MCC: variants seen among roughly 807,000 people sequenced by gnomAD.
MCC encodes MCC regulator of Wnt signaling pathway, also known as colorectal mutant cancer protein.
MCC carries 90 observed loss-of-function variants against 116.2 expected under a neutral mutation model. The observed-to-expected ratio is 0.77, with a 90% CI of 0.65 to 0.92. The LOEUF (loss-of-function observed/expected upper bound fraction) is 0.92. MCC is among the 40% of genes least tolerant of loss of function. MCC has a pLI of 0.00. For synonymous variants in MCC, 578 were observed against 510.5 expected (o/e 1.13, Z -1.78); for missense variants, 1,516 against 1,312.2 (o/e 1.16, Z -2.40).
At chr5:113,290,667 G>C (rs184920950) in intron 3 of MCC, among the ~76,000 whole-genome samples, 3 of 152,256 alleles carry the variant, frequency 2.0e-5, no homozygotes, top group Non-Finnish European at 1.5e-5. Flanking sequence ...AAGACCAATA[G>C]AGCTAACTGC....
At chr5:113,430,324 G>C (rs1348221884) in intron 1 of MCC, among the ~76,000 whole-genome samples, 1 of 152,168 alleles carries the variant, frequency 6.6e-6, no homozygotes, top group East Asian at 1.9e-4. Flanking sequence ...GTTCCTAGTA[G>C]GGCAGAGCAC....
chr5:113,178,093 A>G (rs1358031060), intron 3 of MCC, among the ~76,000 whole-genome samples: 2 of 152,218 alleles, frequency 1.3e-5, no homozygotes, highest in Non-Finnish European at 2.9e-5. Context: ...ATCAGAACAC[A>G]TGCAGGAAAG....
intron 2 of MCC, among the ~76,000 whole-genome samples, chr5:113,366,660 A>G (rs536946711): frequency 6.6e-6 from 1 of 152,280 alleles, no homozygotes; most frequent in Non-Finnish European, 1.5e-5. Context: ...GGTTCAGACA[A>G]TAAGTAAGAG....
intron 1 of MCC, among the ~76,000 whole-genome samples, chr5:113,408,158 T>G (rs976737305): frequency 6.6e-6 from 1 of 152,300 alleles, no homozygotes; most frequent in South Asian, 2.1e-4. Flanking sequence ...TCATCTCACT[T>G]CAAACACTTT....
intron 2 of MCC, among the ~76,000 whole-genome samples, chr5:113,359,842 T>TG (rs1356619325): frequency 6.6e-6 from 1 of 152,132 alleles, no homozygotes; most frequent in African/African-American, 2.4e-5. Context: ...TGAAGCGGGC[T>TG]GGGGAGTAGG....
intron 6 of MCC, among the ~76,000 whole-genome samples, chr5:113,113,877 G>C (rs1221692108): frequency 1.3e-5 from 2 of 152,032 alleles, no homozygotes. Context: ...GACTGGATCT[G>C]GGACTAAACA....
At chr5:113,477,484 C>T in intron 1 of MCC, among the ~76,000 whole-genome samples, 1 of 152,254 alleles carries the variant, frequency 6.6e-6, no homozygotes, top group Non-Finnish European at 1.5e-5. Flanking sequence ...CATAAGAATA[C>T]AATCCATGAG....
At chr5:113,111,906 T>C (rs1251413423) in intron 6 of MCC, among the ~76,000 whole-genome samples, 2 of 152,220 alleles carry the variant, frequency 1.3e-5, no homozygotes, top group Admixed American at 1.3e-4. Context: ...CAGGATCAGC[T>C]ATGCCTATGC....
At chr5:113,058,396 G>T (rs187126972) in intron 14 of MCC, among the ~76,000 whole-genome samples, 22 of 152,238 alleles carry the variant, frequency 1.4e-4, no homozygotes, top group Admixed American at 1.4e-3. Flanking sequence ...TGCACATTCC[G>T]GGGCCTGCTG....
chr5:113,377,810 T>A (rs549229145), intron 2 of MCC, among the ~76,000 whole-genome samples: 1 of 152,330 alleles, frequency 6.6e-6, no homozygotes, highest in Admixed American at 6.5e-5. Context: ...ACCCATTACT[T>A]AAAGACTTTA....
intron 3 of MCC, among the ~76,000 whole-genome samples, chr5:113,303,147 C>G (rs2150365326): frequency 6.6e-6 from 1 of 152,234 alleles, no homozygotes; most frequent in South Asian, 2.1e-4. Context: ...TATTTGACAT[C>G]TAAGGGGATG....
chr5:113,058,740 G>T (rs912118482), intron 14 of MCC, among the ~76,000 whole-genome samples: 1 of 152,208 alleles, frequency 6.6e-6, no homozygotes, highest in African/African-American at 2.4e-5. Context: ...CAGGAAATAG[G>T]AATACTAAGG....
At chr5:113,103,345 C>T (rs1313854037) in intron 7 of MCC, among the ~76,000 whole-genome samples, 2 of 152,152 alleles carry the variant, frequency 1.3e-5, no homozygotes, top group African/African-American at 4.8e-5. Flanking sequence ...GGTAGAGGCC[C>T]TTGGCCTCCT....
At chr5:113,168,735 A>T (rs575472058) in intron 3 of MCC, among the ~76,000 whole-genome samples, 1 of 152,068 alleles carries the variant, frequency 6.6e-6, no homozygotes, top group African/African-American at 2.4e-5. Context: ...AAGCCCTCCT[A>T]GTGGGTGGTG....
intron 2 of MCC, among the ~76,000 whole-genome samples, chr5:113,384,261 C>T (rs1351022644): frequency 6.6e-6 from 1 of 152,152 alleles, no homozygotes. Flanking sequence ...GAAAAACCAT[C>T]TTTATAGAAA....
chr5:113,202,704 A>C (rs1762735900), intron 3 of MCC, among the ~76,000 whole-genome samples: 1 of 151,204 alleles, frequency 6.6e-6, no homozygotes, highest in African/African-American at 2.4e-5. Flanking sequence ...AGACTTTATG[A>C]CTTCTGTTCC....
At chr5:113,184,304 C>T (rs1291157307) in intron 3 of MCC, among the ~76,000 whole-genome samples, 1 of 152,164 alleles carries the variant, frequency 6.6e-6, no homozygotes, top group Non-Finnish European at 1.5e-5. Flanking sequence ...GCCACCTACC[C>T]TCCCTGAAAC....
chr5:113,067,547 G>A (rs1250484648), intron 13 of MCC, among the ~76,000 whole-genome samples: 1 of 152,206 alleles, frequency 6.6e-6, no homozygotes, highest in Non-Finnish European at 1.5e-5. Flanking sequence ...TGAGGCAGGA[G>A]GATGCTTGAA....
intron 1 of MCC, among the ~76,000 whole-genome samples, chr5:113,412,062 A>T (rs1383764555): frequency 6.6e-6 from 1 of 152,134 alleles, no homozygotes; most frequent in Non-Finnish European, 1.5e-5. Flanking sequence ...TGTCAGGTTT[A>T]TCAAAGATCA....
Sources: allele counts gnomAD v4.1 joint callset (sites outside exome capture counted in the v4.1 genomes callset), GRCh38; gene constraint gnomAD v4.1.1; transcripts MANE v1.5; gene names NCBI Gene and HGNC (gene_info 2026-07-23, HGNC 2026-07-21).